Variants in ZNF439 observed in about 807,000 individuals in gnomAD.
ZNF439 encodes the protein zinc finger protein 439.
Under a neutral mutation model 47.3 loss-of-function variants are expected in ZNF439, and 40 were observed. The ratio of observed to expected loss-of-function variants is 0.85; its 90% CI spans 0.66 to 1.10. The LOEUF is 1.10. Ranked by LOEUF, ZNF439 falls within the 50% of genes least tolerant of loss-of-function variation. The pLI, the probability that ZNF439 is intolerant of heterozygous loss-of-function variation, is 0.00. For missense variants in ZNF439, 556 were observed against 601.1 expected, an observed-to-expected ratio of 0.93 and a Z score of 0.78; for synonymous variants, 171 against 198.8, an observed-to-expected ratio of 0.86 and a Z score of 1.18.
chr19:11,868,630 T>A lies in ZNF439; in HGVS notation c.*61T>A. 6.5e-7 allele frequency: 1 copy of A among 1,534,196 alleles called. No homozygotes were observed. Among genetic ancestry groups the A allele is most frequent in the Non-Finnish European group, 8.9e-7 (1 of 1,127,774 alleles). ...AGTTATTTCAAACACATGAAAAAAT[T>A]CACACTGGAGAGAAACCCTATAAAT... On this transcript the variant is annotated 3_prime_UTR_variant, in exon 4 of 4. Coordinates refer to ENST00000682736, the MANE Select transcript of ZNF439 (RefSeq NM_001348719.2).
In ZNF439 at chr19:11,867,448, G is replaced by A. The variant is rs1976717950; in HGVS notation, c.394G>A (p.Glu132Lys). The stretch of plus-strand genomic sequence containing the variant: ...AAAATCATGTGACAGCTTTGTGTGT[G>A]AAGTTGGCCTAGGTAACTCATCTTC... ...EVKSCDSFVC[E>K]VGLGNSSSNM... The change falls in exon 4 of 4, where the codon GAA becomes AAA. Residue 132 changes from glutamate to lysine, a missense_variant. By Grantham distance (56) the Glu-to-Lys change is moderately conservative (BLOSUM62 1). Transcript: ENST00000682736. The A allele has an allele frequency of 6.2e-7, 1 of 1,614,142 alleles. No individual in the cohort carries two copies. The highest frequency in any genetic ancestry group is 8.5e-7 in the Non-Finnish European group (1 of 1,180,004).
chr19:11,864,956 T>A (rs1976633678), intron 1 of ZNF439, among the ~76,000 whole-genome samples: 1 of 152,128 alleles, frequency 6.6e-6, no homozygotes, highest in African/African-American at 2.4e-5. Context: ...AATTTTGTAT[T>A]TTTAGTAGAG....
At chr19:11,857,293 G>A (rs1976412582) in intron 1 of ZNF439, 1 of 152,192 alleles carries the variant, frequency 6.6e-6, no homozygotes, top group South Asian at 2.1e-4. Flanking sequence ...CTACACAGTC[G>A]ATATTTCCCA....
chr19:11,858,579 A>G (rs773506034), intron 1 of ZNF439, among the ~76,000 whole-genome samples: 39 of 152,244 alleles, frequency 2.6e-4, no homozygotes, highest in Middle Eastern at 3.4e-3. Context: ...TTGTGCATTA[A>G]TAGCTCTCAA....
intron 1 of ZNF439, among the ~76,000 whole-genome samples, chr19:11,861,448 G>T (rs528439365): frequency 6.6e-6 from 1 of 152,142 alleles, no homozygotes; most frequent in African/African-American, 2.4e-5. Context: ...GTGCCTAGGG[G>T]AGTGGGGCCT....
chr19:11,864,701 A>G (rs1267729785), intron 1 of ZNF439, among the ~76,000 whole-genome samples: 1 of 152,236 alleles, frequency 6.6e-6, no homozygotes, highest in Non-Finnish European at 1.5e-5. Context: ...AATCTATGTA[A>G]GTTCTCTAAG....
Position 11,868,553 on chromosome 19 carries a change from G to T in ZNF439, c.1499G>T (p.Trp500Leu). 1.2e-6 allele frequency: 2 copies of T among 1,607,410 alleles called. No individual in the cohort carries two copies. The highest frequency in any genetic ancestry group is 1.7e-6 in the Non-Finnish European group (2 of 1,177,230). The change falls in exon 4 of 4, where the codon TGG (tryptophan) becomes TTG (leucine). Residue 500 changes from tryptophan to leucine, a missense_variant. By Grantham distance (61) the Trp-to-Leu change is moderately conservative. Coordinates refer to ENST00000682736, the MANE Select transcript of ZNF439 (RefSeq NM_001348719.2). ...ACACAAACACATAAGAATGCACTCT[G>T]GAGAAAGACCTTATAAATATAAGAT... ...ERTQTHKNAL[W>L]RKTL is the part of the protein sequence containing the mutation.
rs1976774497 is a variant in ZNF439, at chr19:11,868,392, G to A, written c.1338G>A (p.Lys446=). 1 of 1,613,764 alleles carries A rather than the reference G, an allele frequency of 6.2e-7. No individual in the cohort carries two copies. Among genetic ancestry groups the A allele is most frequent in the African/African-American group, 1.3e-5 (1 of 74,922 alleles). ...CTGGAGAGAAACCGTATCAATGTAA[G>A]GAATGTGGGAAAGCTTTCAGATCTG... The part of the protein sequence containing the change: ...THTGEKPYQC[K]ECGKAFRSAS... Residue 446 remains lysine, a synonymous_variant, in exon 4 of 4, where the codon AAG becomes AAA. Coordinates refer to ENST00000682736, the MANE Select transcript of ZNF439 (RefSeq NM_001348719.2).
At chr19:11,859,438 C>G (rs1189458542) in intron 1 of ZNF439, among the ~76,000 whole-genome samples, 2 of 152,098 alleles carry the variant, frequency 1.3e-5, no homozygotes, top group Non-Finnish European at 2.9e-5. Flanking sequence ...CACATTTCTT[C>G]CCAATTTAAA....
chr19:11,854,864 C>T (rs1386549370), intron 1 of ZNF439, among the ~76,000 whole-genome samples: 1 of 152,196 alleles, frequency 6.6e-6, no homozygotes, highest in Non-Finnish European at 1.5e-5. Context: ...GGAGCTAATC[C>T]TTCTTAGCTG....
chr19:11,861,093 T>C (rs1976527947), intron 1 of ZNF439, among the ~76,000 whole-genome samples: 1 of 152,180 alleles, frequency 6.6e-6, no homozygotes, highest in Non-Finnish European at 1.5e-5. Flanking sequence ...TCTCCAAATA[T>C]ACGGGATGCA....
rs1976577062 is a variant in ZNF439, at chr19:11,862,940, G to A, written c.64-3265G>A. On this transcript the variant is annotated intron_variant, in intron 1 of 3. Transcript: ENST00000682736. ...ATTTTTGTATTATTAGTAGAGATGA[G>A]ATTTTACCTTGTTGGTCACGCTGGT... 2.6e-5 allele frequency among the ~76,000 whole-genome samples: 4 copies of A among 151,760 alleles called. No homozygotes were observed. In the South Asian group the frequency reaches 8.3e-4, roughly 32 times the overall value.
intron 1 of ZNF439, among the ~76,000 whole-genome samples, chr19:11,853,989 G>A (rs1976318761): frequency 1.3e-5 from 2 of 152,170 alleles, no homozygotes; most frequent in Non-Finnish European, 2.9e-5. Context: ...TTGTTTTGCA[G>A]TTCACCAATA....
At chr19:11,864,093 T>C (rs188736878) in intron 1 of ZNF439, among the ~76,000 whole-genome samples, 15 of 152,328 alleles carry the variant, frequency 9.8e-5, no homozygotes, top group Admixed American at 9.2e-4. Flanking sequence ...TAAGTGTTTT[T>C]AATCATGAGG....
chr19:11,853,555 C>CACCAGGGAGTGATTGTCCTCAGAAGG (rs1976307571), intron 1 of ZNF439, among the ~76,000 whole-genome samples: 1 of 152,152 alleles, frequency 6.6e-6, no homozygotes, highest in Admixed American at 6.5e-5. Flanking sequence ...AGCAGCACAG[C>CACCAGGGAGTGATTGTCCTCAGAAGG]ACCAGGGAGT....
chr19:11,857,040 T>A (rs973484264), intron 1 of ZNF439: 1 of 152,194 alleles, frequency 6.6e-6, no homozygotes, highest in Non-Finnish European at 1.5e-5. Context: ...CTAGAATGAC[T>A]GTAATTAACT....
chr19:11,864,831 G>A (rs749713305), intron 1 of ZNF439, among the ~76,000 whole-genome samples: 86 of 149,878 alleles, frequency 5.7e-4, no homozygotes, highest in Non-Finnish European at 1.1e-3. Context: ...TTTCACTCTT[G>A]TTGCCCAGGC....
intron 1 of ZNF439, among the ~76,000 whole-genome samples, chr19:11,859,315 C>A (rs542568088): frequency 6.6e-6 from 1 of 152,284 alleles, no homozygotes; most frequent in Non-Finnish European, 1.5e-5. Context: ...TTATAAGCAG[C>A]GTCTGGGAGT....
At chr19:11,852,952 G>A (rs559788694) in intron 1 of ZNF439, among the ~76,000 whole-genome samples, 12 of 151,472 alleles carry the variant, frequency 7.9e-5, no homozygotes, top group African/African-American at 1.9e-4. Context: ...TTTTTGAGAC[G>A]AAGTTTCACT....
Sources: gnomAD v4.1 joint callset for allele counts (sites outside exome capture counted in the v4.1 genomes callset) on GRCh38, gnomAD v4.1.1 for gene constraint, MANE v1.5 for transcripts, NCBI Gene and HGNC (gene_info 2026-07-23, HGNC 2026-07-21) for gene names.